The following OTUD7B variants were observed in gnomAD, a reference collection of about 807,000 sequenced individuals.
OTUD7B encodes the protein OTU deubiquitinase 7B, also known as OTU domain-containing protein 7B.
Under a neutral mutation model 82.2 loss-of-function variants are expected in OTUD7B, and 34 were observed. The ratio of observed to expected loss-of-function variants is 0.41; its 90% CI spans 0.31 to 0.55. The LOEUF (loss-of-function observed/expected upper bound fraction) is 0.55, where lower values mean the gene tolerates loss of function less well. Ranked by LOEUF, OTUD7B falls within the 20% of genes least tolerant of loss-of-function variation. The probability of loss-of-function intolerance (pLI) is 0.20; values close to 1 mark genes in which losing one functional copy is unlikely to be tolerated. For missense variants in OTUD7B, 944 were observed against 1,062.1 expected, an observed-to-expected ratio of 0.89 and a Z score of 1.55; for synonymous variants, 398 against 402.7, an observed-to-expected ratio of 0.99 and a Z score of 0.14.
intron 1 of OTUD7B, among the ~76,000 whole-genome samples, chr1:149,984,567 TCTC>T (rs1651005003): frequency 6.6e-6 from 1 of 152,114 alleles, no homozygotes; most frequent in African/African-American, 2.4e-5. Flanking sequence ...CCTTCCATCT[TCTC>T]ATTGAAACTT....
chr1:149,996,302 G>T (rs1651919156), intron 1 of OTUD7B, among the ~76,000 whole-genome samples: 1 of 152,188 alleles, frequency 6.6e-6, no homozygotes, highest in Admixed American at 6.5e-5. Flanking sequence ...GAGAGGAAAA[G>T]CATTATTGTG....
At chr1:150,008,364 G>C (rs1429476800) in intron 1 of OTUD7B, among the ~76,000 whole-genome samples, 1 of 152,160 alleles carries the variant, frequency 6.6e-6, no homozygotes, top group Non-Finnish European at 1.5e-5. Flanking sequence ...TTAAAAATTA[G>C]ATTTTCGTCT....
intron 7 of OTUD7B, among the ~76,000 whole-genome samples, chr1:149,954,680 A>G (rs1290929539): frequency 6.6e-6 from 1 of 151,902 alleles, no homozygotes; most frequent in Non-Finnish European, 1.5e-5. Context: ...CTGGTCTTGG[A>G]CTTTTTATGG....
chr1:150,059,617 G>A, the OTUD7B span, among the ~76,000 whole-genome samples: 5 of 151,718 alleles, frequency 3.3e-5, no homozygotes, highest in Admixed American at 1.3e-4. Context: ...TGATCTGCCC[G>A]CCTCAGCCTC....
intron 2 of OTUD7B, among the ~76,000 whole-genome samples, chr1:149,974,537 T>TG (rs1650159995): frequency 6.8e-6 from 1 of 146,950 alleles, no homozygotes; most frequent in South Asian, 2.1e-4. Context: ...TTCTTCTTTT[T>TG]TTTTCTTAGT....
the OTUD7B span, among the ~76,000 whole-genome samples, chr1:150,024,787 C>T: frequency 1.3e-5 from 2 of 152,196 alleles, no homozygotes; most frequent in Non-Finnish European, 2.9e-5. Context: ...GTGGCTCACG[C>T]CTGTAATCCC....
chr1:149,960,667 G>C (rs76184987), intron 6 of OTUD7B, among the ~76,000 whole-genome samples: 7,492 of 151,526 alleles, frequency 0.049, 641 homozygotes, highest in African/African-American at 0.17. Flanking sequence ...CAGGCATGAG[G>C]CACTGCACTC....
chr1:149,944,162 G>C lies in OTUD7B; in HGVS notation c.2227C>G (p.Gln743Glu). The C allele has an allele frequency of 6.2e-7, 1 of 1,614,004 alleles. No individual in the cohort carries two copies. The highest frequency in any genetic ancestry group is 8.5e-7 in the Non-Finnish European group (1 of 1,179,926). The change falls in exon 12 of 12, where the codon CAG becomes GAG. Residue 743 changes from glutamine to glutamate, a missense_variant. This residue lies in a region of OTUD7B where 412 missense variants were observed against 418.7 expected (regional missense o/e 0.98). Coordinates refer to ENST00000581312, the MANE Select transcript of OTUD7B (RefSeq NM_020205.4). ...QCPPGRPYPH[Q>E]DSIPSLEPGS... Reference sequence around the variant, plus strand: ...GGCTCCAGAGAAGGGATGCTGTCCTGGTGGGGGTAGGGTCGCCCAGGAGGG... The same window carrying C: ...GGCTCCAGAGAAGGGATGCTGTCCTCGTGGGGGTAGGGTCGCCCAGGAGGG...
At chr1:150,030,093 G>A in the OTUD7B span, among the ~76,000 whole-genome samples, 1 of 152,282 alleles carries the variant, frequency 6.6e-6, no homozygotes, top group South Asian at 2.1e-4. Flanking sequence ...CCTGTGGATT[G>A]ATAACAATAC....
In OTUD7B at chr1:149,940,584, C is replaced by G. The variant is rs1241453970; in HGVS notation, c.*3273G>C. On this transcript the variant is annotated 3_prime_UTR_variant, in exon 12 of 12. Transcript: ENST00000581312. ...CCATTAAAAACTTCAGTAGGTACCC[C>G]AGTTGCCCTGGATTAAAGGAACTAA... 3.9e-5 allele frequency: 6 copies of G among 152,128 alleles called. No individual in the cohort carries two copies. Among genetic ancestry groups the G allele is most frequent in the African/African-American group, 1.4e-4 (6 of 41,400 alleles). 9.4% of individuals were successfully genotyped at this position (152,128 alleles called of 1,614,324 possible).
chr1:150,021,199 CT>C, the OTUD7B span, among the ~76,000 whole-genome samples: 1 of 152,100 alleles, frequency 6.6e-6, no homozygotes, highest in Admixed American at 6.5e-5. Context: ...GGGTCATATA[CT>C]TCTAGTAGGA....
chr1:150,036,969 C>T, the OTUD7B span, among the ~76,000 whole-genome samples: 3 of 152,114 alleles, frequency 2.0e-5, no homozygotes. Context: ...CTGTCTAACC[C>T]TTTTAAAATA....
At chr1:150,001,865 C>T (rs1390951194) in intron 1 of OTUD7B, among the ~76,000 whole-genome samples, 4 of 152,120 alleles carry the variant, frequency 2.6e-5, no homozygotes, top group Admixed American at 6.5e-5. Flanking sequence ...GGAAGGTATC[C>T]ATCCTTCCAC....
At chr1:150,053,017 C>T in the OTUD7B span, among the ~76,000 whole-genome samples, 1 of 152,104 alleles carries the variant, frequency 6.6e-6, no homozygotes, top group East Asian at 1.9e-4. Flanking sequence ...TCCTTCTTTA[C>T]ACCATATACA....
intron 1 of OTUD7B, among the ~76,000 whole-genome samples, chr1:149,978,005 C>A (rs1376660127): frequency 6.6e-6 from 1 of 152,208 alleles, no homozygotes; most frequent in African/African-American, 2.4e-5. Flanking sequence ...GCCATCTCCT[C>A]TAATATATGT....
intron 7 of OTUD7B, among the ~76,000 whole-genome samples, chr1:149,958,770 G>A (rs1648912899): frequency 6.6e-6 from 1 of 150,854 alleles, no homozygotes; most frequent in Non-Finnish European, 1.5e-5. Flanking sequence ...TAGAGACAGA[G>A]GTCTCTCTTT....
At position 149,950,078 on chromosome 1, in the gene OTUD7B, T is replaced by A. The variant is rs782597114; in HGVS notation, c.973+16A>T. 5 of 1,613,522 alleles carry A rather than the reference T, an allele frequency of 3.1e-6. No individual in the cohort carries two copies. The highest frequency in any genetic ancestry group is 4.2e-6 in the Non-Finnish European group (5 of 1,179,978). On this transcript the variant is annotated intron_variant, in intron 8 of 11. Coordinates refer to ENST00000581312, the MANE Select transcript of OTUD7B (RefSeq NM_020205.4). ...GGGGTGCTCAGCATGGAGTGAGGACTGACTGGCTGACTCACCTTCCCCTCC... is the reference window on the plus strand; with the variant it reads ...GGGGTGCTCAGCATGGAGTGAGGACAGACTGGCTGACTCACCTTCCCCTCC...
chr1:149,969,677 C>T (rs1553777283), intron 3 of OTUD7B, among the ~76,000 whole-genome samples: 2 of 152,100 alleles, frequency 1.3e-5, no homozygotes, highest in African/African-American at 4.8e-5. Context: ...ACATACATTG[C>T]ATTGTGTCTT....
chr1:150,036,055 C>T, the OTUD7B span, among the ~76,000 whole-genome samples: 1 of 147,168 alleles, frequency 6.8e-6, no homozygotes, highest in Non-Finnish European at 1.5e-5. Flanking sequence ...CGGGCTCAAG[C>T]GATCTTCCCC....
Sources: allele counts gnomAD v4.1 joint callset (sites outside exome capture counted in the v4.1 genomes callset), GRCh38; gene constraint gnomAD v4.1.1; regional missense constraint gnomAD v4.1.1; transcripts MANE v1.5; gene names NCBI Gene and HGNC (gene_info 2026-07-23, HGNC 2026-07-21).